The following NELL2 variants were observed in gnomAD, a reference collection of about 807,000 sequenced individuals.
NELL2 encodes neural EGFL like 2, also known as protein kinase C-binding protein NELL2.
A neutral mutation model predicts 109.6 loss-of-function variants in NELL2; 41 were observed. The ratio of observed to expected loss-of-function variants is 0.37; its 90% CI spans 0.29 to 0.49. The LOEUF is 0.49. Among genes scored for constraint, NELL2 ranks in the 20% least tolerant of loss-of-function variants. The pLI, the probability that NELL2 is intolerant of heterozygous loss-of-function variation, is 0.98. For synonymous variants in NELL2, 355 were observed against 344.7 expected (o/e 1.03, Z -0.33); for missense variants, 900 against 1,008.3 (o/e 0.89, Z 1.45).
intron 15 of NELL2, among the ~76,000 whole-genome samples, chr12:44,551,912 C>T (rs1943056787): frequency 6.6e-6 from 1 of 152,036 alleles, no homozygotes; most frequent in Non-Finnish European, 1.5e-5. Flanking sequence ...ACTAGAATCC[C>T]CTCAGAGAAC....
At chr12:44,557,010 G>A (rs923714489) in intron 15 of NELL2, among the ~76,000 whole-genome samples, 1 of 152,166 alleles carries the variant, frequency 6.6e-6, no homozygotes. Context: ...AAGCAATGTG[G>A]AGATGAACAA....
chr12:44,876,116 C>A lies in NELL2; in HGVS notation c.-247G>T, dbSNP rs1419381492. The A allele has an allele frequency of 2.3e-5, 30 of 1,317,082 alleles. No individual in the cohort carries two copies. Among genetic ancestry groups the A allele is most frequent in the Non-Finnish European group, 2.9e-5 (30 of 1,033,570 alleles). 81.6% of individuals were successfully genotyped at this position (1,317,082 alleles called of 1,614,324 possible). A position where few individuals can be genotyped will look rare whatever the true frequency, so the allele number is the denominator to read the frequency against. On this transcript the variant is annotated 5_prime_UTR_variant, in exon 1 of 20. Coordinates refer to ENST00000429094, the MANE Select transcript of NELL2 (RefSeq NM_001145108.2). Reference sequence around the variant, plus strand: ...ACGCAGGGCCGAGGCGGCAGCGCGGCCCGGAGGGGGCCCGGAGGGAGGGGT... The same window carrying A: ...ACGCAGGGCCGAGGCGGCAGCGCGGACCGGAGGGGGCCCGGAGGGAGGGGT...
intron 2 of NELL2, among the ~76,000 whole-genome samples, chr12:44,854,456 G>A (rs1944618917): frequency 6.6e-6 from 1 of 152,180 alleles, no homozygotes; most frequent in Non-Finnish European, 1.5e-5. Context: ...AGATGAAAAA[G>A]AGGATGTTAC....
At chr12:44,509,994 G>A (rs1940918320) in intron 19 of NELL2, among the ~76,000 whole-genome samples, 1 of 152,088 alleles carries the variant, frequency 6.6e-6, no homozygotes, top group Non-Finnish European at 1.5e-5. Flanking sequence ...CTGTGGTGAT[G>A]AAATAGGATA....
intron 15 of NELL2, among the ~76,000 whole-genome samples, chr12:44,585,179 T>G (rs1944448013): frequency 6.6e-6 from 1 of 152,250 alleles, no homozygotes; most frequent in East Asian, 1.9e-4. Context: ...CAATTTAACT[T>G]TGCAATTTTA....
intron 3 of NELL2, among the ~76,000 whole-genome samples, chr12:44,793,331 A>G (rs1942501496): frequency 6.6e-6 from 1 of 152,154 alleles, no homozygotes; most frequent in South Asian, 2.1e-4. Context: ...GTTTAACAAC[A>G]AGTATTCATT....
At chr12:44,885,593 C>T (rs1300368789) in intron 1 of NELL2, among the ~76,000 whole-genome samples, 3 of 151,754 alleles carry the variant, frequency 2.0e-5, no homozygotes, top group Non-Finnish European at 2.9e-5. Flanking sequence ...CAAGATTTTA[C>T]ACAAAAAACT....
intron 16 of NELL2, among the ~76,000 whole-genome samples, chr12:44,531,503 C>A (rs1186416441): frequency 1.2e-4 from 18 of 152,078 alleles, no homozygotes; most frequent in Non-Finnish European, 1.8e-4. Flanking sequence ...CAGGTTTTAG[C>A]CCCCAGTAAG....
upstream of NELL2, among the ~76,000 whole-genome samples, chr12:44,881,298 A>G (rs568183312): frequency 2.6e-5 from 4 of 152,114 alleles, no homozygotes; most frequent in African/African-American, 9.7e-5. Context: ...TACCAATGCC[A>G]AGATGACACA....
At chr12:44,537,164 C>T (rs1942332464) in intron 15 of NELL2, among the ~76,000 whole-genome samples, 1 of 151,966 alleles carries the variant, frequency 6.6e-6, no homozygotes, top group African/African-American at 2.4e-5. Flanking sequence ...GCTTCAGAGG[C>T]AATCAACTGA....
At chr12:44,683,624 C>T (rs1164538463) in intron 12 of NELL2, among the ~76,000 whole-genome samples, 1 of 151,994 alleles carries the variant, frequency 6.6e-6, no homozygotes, top group Non-Finnish European at 1.5e-5. Flanking sequence ...GAGTTTTTAG[C>T]ATGAAGGGTT....
chr12:44,647,521 T>C (rs540638926), intron 13 of NELL2, among the ~76,000 whole-genome samples: 9 of 152,182 alleles, frequency 5.9e-5, no homozygotes, highest in Non-Finnish European at 1.3e-4. Context: ...AAATAACTAA[T>C]ACAAAATCAA....
chr12:44,838,749 G>A lies in NELL2; in HGVS notation c.185-22613C>T, dbSNP rs142608203. ...TGCCAGATAACCAGACATGTCTACA[G>A]CTCTTCTAGCAGAACTAGAATACTG... is the stretch of plus-strand genomic sequence containing the variant. On this transcript the variant is annotated intron_variant, in intron 2 of 19. Transcript: ENST00000429094. Among the ~76,000 whole-genome samples, 1,230 of 151,310 alleles carry A rather than the reference G, an allele frequency of 8.1e-3. 16 individuals are homozygous for A. Among genetic ancestry groups the A allele is most frequent in the Non-Finnish European group, 9.7e-3 (661 of 68,012 alleles).
intron 12 of NELL2, among the ~76,000 whole-genome samples, chr12:44,681,086 TAGATG>T (rs1040328813): frequency 2.6e-5 from 4 of 151,432 alleles, no homozygotes; most frequent in South Asian, 2.1e-4. Flanking sequence ...ACTTTTCTTT[TAGATG>T]AGATAAGAAA....
At chr12:44,706,919 T>A (rs537091969) in intron 11 of NELL2, among the ~76,000 whole-genome samples, 2 of 152,230 alleles carry the variant, frequency 1.3e-5, no homozygotes, top group South Asian at 4.2e-4. Flanking sequence ...TTTGGTAAAA[T>A]ATAAACATGC....
chr12:44,835,801 A>G (rs1350886614), intron 2 of NELL2, among the ~76,000 whole-genome samples: 1 of 152,194 alleles, frequency 6.6e-6, no homozygotes, highest in Non-Finnish European at 1.5e-5. Context: ...GGAAGCCAAG[A>G]TGAGACAGAG....
At chr12:44,772,084 A>C (rs879703770) in intron 9 of NELL2, among the ~76,000 whole-genome samples, 1 of 152,214 alleles carries the variant, frequency 6.6e-6, no homozygotes, top group Non-Finnish European at 1.5e-5. Flanking sequence ...AGTTGAGCAG[A>C]AGCGTTTCAA....
At chr12:44,659,506 A>G (rs1429399154) in intron 13 of NELL2, among the ~76,000 whole-genome samples, 8 of 152,226 alleles carry the variant, frequency 5.3e-5, no homozygotes, top group Non-Finnish European at 1.2e-4. Flanking sequence ...AGAGTGAATA[A>G]AAGCAAACAA....
At chr12:44,621,914 T>A (rs1245191834) in intron 13 of NELL2, among the ~76,000 whole-genome samples, 1 of 151,582 alleles carries the variant, frequency 6.6e-6, no homozygotes, top group Non-Finnish European at 1.5e-5. Context: ...TAATCCTGGT[T>A]CACGTAGCGC....
Sources: allele counts gnomAD v4.1 joint callset (sites outside exome capture counted in the v4.1 genomes callset), GRCh38; gene constraint gnomAD v4.1.1; transcripts MANE v1.5; gene names NCBI Gene and HGNC (gene_info 2026-07-23, HGNC 2026-07-21).